PPP2R2A: variants seen among roughly 807,000 people sequenced by gnomAD.
The protein encoded by PPP2R2A is protein phosphatase 2 regulatory subunit Balpha.
Under a neutral mutation model 53.2 loss-of-function variants are expected in PPP2R2A, and 9 were observed. The ratio of observed to expected loss-of-function variants is 0.17; its 90% CI spans 0.10 to 0.30. The LOEUF (loss-of-function observed/expected upper bound fraction) is 0.30, where lower values mean the gene tolerates loss of function less well. Among genes scored for constraint, PPP2R2A ranks in the 10% least tolerant of loss-of-function variants. The pLI is 1.00. For synonymous variants in PPP2R2A, 169 were observed against 174.2 expected, an observed-to-expected ratio of 0.97 and a Z score of 0.23; for missense variants, 235 against 534.6, an observed-to-expected ratio of 0.44 and a Z score of 5.53.
chr8:26,293,086 T>C (rs1043357157), intron 1 of PPP2R2A: 31 of 612,950 alleles, frequency 5.1e-5, no homozygotes, highest in Non-Finnish European at 7.6e-5. Context: ...ACAAGCTTCC[T>C]TTGACAGTCT....
intron 2 of PPP2R2A, among the ~76,000 whole-genome samples, chr8:26,304,751 T>C (rs1040652064): frequency 6.6e-6 from 1 of 151,176 alleles, no homozygotes; most frequent in African/African-American, 2.4e-5. Context: ...TCTGACCAAA[T>C]TTCTTATCAA....
At chr8:26,326,870 T>C (rs549582533) in intron 2 of PPP2R2A, among the ~76,000 whole-genome samples, 1 of 152,332 alleles carries the variant, frequency 6.6e-6, no homozygotes, top group South Asian at 2.1e-4. Context: ...AACAGTTATA[T>C]ACCAGGGCTT....
At chr8:26,364,219 T>C (rs1020058607) in intron 8 of PPP2R2A, among the ~76,000 whole-genome samples, 42 of 152,152 alleles carry the variant, frequency 2.8e-4, no homozygotes, top group African/African-American at 1.0e-3. Context: ...GGAAGAGGAT[T>C]GGAGAAAGTG....
intron 3 of PPP2R2A, among the ~76,000 whole-genome samples, chr8:26,342,630 G>GGTT (rs1803999736): frequency 6.6e-6 from 1 of 152,224 alleles, no homozygotes; most frequent in East Asian, 1.9e-4. Flanking sequence ...TGAGGAGGGA[G>GGTT]GTTGTACCTC....
At chr8:26,352,396 C>G (rs1804564132) in intron 3 of PPP2R2A, among the ~76,000 whole-genome samples, 1 of 152,330 alleles carries the variant, frequency 6.6e-6, no homozygotes, top group Non-Finnish European at 1.5e-5. Context: ...GGTCTACTGT[C>G]AGTTACCACT....
At chr8:26,314,271 G>A (rs1412343227) in intron 2 of PPP2R2A, among the ~76,000 whole-genome samples, 1 of 152,188 alleles carries the variant, frequency 6.6e-6, no homozygotes. Context: ...CACATCAGAT[G>A]TTGTATCAGT....
At chr8:26,325,124 G>A (rs1322573155) in intron 2 of PPP2R2A, among the ~76,000 whole-genome samples, 2 of 151,504 alleles carry the variant, frequency 1.3e-5, no homozygotes, top group Non-Finnish European at 2.9e-5. Flanking sequence ...GTGAGGACAT[G>A]AGATTTGGAG....
chr8:26,294,533 T>G (rs1339902034), intron 2 of PPP2R2A, among the ~76,000 whole-genome samples: 1 of 152,216 alleles, frequency 6.6e-6, no homozygotes, highest in Non-Finnish European at 1.5e-5. Flanking sequence ...TGAGAAATGT[T>G]GAAGTTTGAG....
At chr8:26,292,512 T>C in intron 1 of PPP2R2A, 1 of 901,130 alleles carries the variant, frequency 1.1e-6, no homozygotes, top group Non-Finnish European at 1.3e-6. Context: ...GATGTCCTTT[T>C]CCCAAAAGGG....
At chr8:26,328,988 A>G (rs1271178638) in intron 2 of PPP2R2A, among the ~76,000 whole-genome samples, 1 of 152,166 alleles carries the variant, frequency 6.6e-6, no homozygotes, top group African/African-American at 2.4e-5. Context: ...GTGAGATTTC[A>G]GGGTTTCTTA....
rs1018310141 is a variant in PPP2R2A, at chr8:26,354,113, T to A, written c.181-355T>A. On this transcript the variant is annotated intron_variant, in intron 3 of 9. Transcript: ENST00000380737. The surrounding 1 kb of genome is among the most constrained non-coding windows in gnomAD (Gnocchi z 4.6). ...CTTTCTGGGCAAGACTTTATCATTATTTTTAGATGAACTTCCTTATTATGG... is the reference window on the plus strand; with the variant it reads ...CTTTCTGGGCAAGACTTTATCATTAATTTTAGATGAACTTCCTTATTATGG... Among the ~76,000 whole-genome samples the A allele has an allele frequency of 6.6e-6, 1 of 152,196 alleles. No homozygotes were observed. The highest frequency in any genetic ancestry group is 6.5e-5 in the Admixed American group (1 of 15,286).
chr8:26,294,449 A>G (rs1000156121), intron 2 of PPP2R2A, among the ~76,000 whole-genome samples: 2 of 152,202 alleles, frequency 1.3e-5, no homozygotes, highest in African/African-American at 4.8e-5. Flanking sequence ...TGAAACTTCA[A>G]GGTTTTGCAT....
intron 4 of PPP2R2A, among the ~76,000 whole-genome samples, chr8:26,357,107 T>C (rs1428147096): frequency 6.6e-6 from 1 of 152,112 alleles, no homozygotes; most frequent in Admixed American, 6.6e-5. Flanking sequence ...ATATGAACTG[T>C]TGTGTCTGGG....
rs1585421505 is a variant in PPP2R2A, at chr8:26,370,595, G to T, written c.*182G>T. 4.3e-6 allele frequency: 3 copies of T among 699,266 alleles called. No homozygotes were observed. In the East Asian group the frequency reaches 8.2e-5, roughly 19 times the overall value. The allele number at this position is 699,266 out of a possible 1,614,324, so 43.3% of individuals were successfully genotyped here. A position where few individuals can be genotyped will look rare whatever the true frequency, so the allele number is the denominator to read the frequency against. On this transcript the variant is annotated 3_prime_UTR_variant, in exon 10 of 10. Transcript: ENST00000380737. This position sits in a 1 kb window ranked among gnomAD's most constrained non-coding sequence, Gnocchi z 6.1. The stretch of plus-strand genomic sequence containing the variant: ...AGCTCTGTGGATTCATCACTGTGGT[G>T]TTCTCCATGTCTGCTAGCCATTTAG...
At chr8:26,336,354 G>A (rs1803658450) in intron 2 of PPP2R2A, among the ~76,000 whole-genome samples, 2 of 152,020 alleles carry the variant, frequency 1.3e-5, no homozygotes, top group African/African-American at 2.4e-5. Context: ...GCTTGAACCC[G>A]GGAGGTCAAG....
intron 2 of PPP2R2A, among the ~76,000 whole-genome samples, chr8:26,323,319 T>C (rs1407150948): frequency 1.3e-5 from 2 of 152,220 alleles, no homozygotes; most frequent in African/African-American, 4.8e-5. Flanking sequence ...CTGTAAGTTT[T>C]TCTCTGTACA....
intron 1 of PPP2R2A, chr8:26,293,306 T>C (rs927492176): frequency 2.0e-6 from 3 of 1,514,268 alleles, no homozygotes; most frequent in Non-Finnish European, 2.7e-6. Flanking sequence ...TATTAACTCT[T>C]CTGCAGGCTT....
intron 3 of PPP2R2A, among the ~76,000 whole-genome samples, chr8:26,351,528 G>C (rs541358359): frequency 6.6e-6 from 1 of 152,292 alleles, no homozygotes; most frequent in Admixed American, 6.5e-5. Flanking sequence ...CATCATTGCA[G>C]AAAAGTTCTC....
intron 3 of PPP2R2A, among the ~76,000 whole-genome samples, chr8:26,342,646 A>G (rs1804000886): frequency 6.6e-6 from 1 of 152,052 alleles, no homozygotes; most frequent in East Asian, 1.9e-4. Context: ...ACCTCTTTCC[A>G]CTTCTTTTTA....
Sources: allele counts gnomAD v4.1 joint callset (sites outside exome capture counted in the v4.1 genomes callset), GRCh38; gene constraint gnomAD v4.1.1; non-coding constraint Gnocchi (gnomAD v3.1); transcripts MANE v1.5; gene names NCBI Gene and HGNC (gene_info 2026-07-23, HGNC 2026-07-21).